NFIA: variants seen among roughly 807,000 people sequenced by gnomAD.
The protein encoded by NFIA is nuclear factor I A.
NFIA carries 8 observed loss-of-function variants against 62.8 expected under a neutral mutation model. The observed-to-expected ratio is 0.13, with a 90% CI of 0.07 to 0.23. The LOEUF is 0.23. NFIA is among the 10% of genes least tolerant of loss of function. The probability of loss-of-function intolerance (pLI) is 1.00; values close to 1 mark genes in which losing one functional copy is unlikely to be tolerated. For missense variants in NFIA, 410 were observed against 642.1 expected (o/e 0.64, Z 3.91); for synonymous variants, 235 against 238.1 (o/e 0.99, Z 0.12).
chr1:61,148,637 A>G (rs902118449), intron 2 of NFIA, among the ~76,000 whole-genome samples: 17 of 152,222 alleles, frequency 1.1e-4, no homozygotes, highest in African/African-American at 3.9e-4. Flanking sequence ...CATCATTTGC[A>G]TGTACATCTT....
upstream of NFIA, among the ~76,000 whole-genome samples, chr1:61,081,209 GCTTTCCCCCCTCC>G: frequency 6.6e-6 from 1 of 151,982 alleles, no homozygotes; most frequent in Middle Eastern, 3.4e-3. Context: ...AGGCAGGTAG[GCTTTCCCCCCTCC>G]GAGAGAGGAG....
intron 4 of NFIA, among the ~76,000 whole-genome samples, chr1:61,347,865 C>A (rs1457987014): frequency 6.6e-6 from 1 of 152,156 alleles, no homozygotes; most frequent in East Asian, 1.9e-4. Context: ...GTTTTGAGGT[C>A]AGTATCCTTA....
chr1:61,444,778 C>T (rs376588952), intron 10 of NFIA, among the ~76,000 whole-genome samples: 1 of 152,176 alleles, frequency 6.6e-6, no homozygotes, highest in African/African-American at 2.4e-5. Context: ...TTTGAACTTA[C>T]CACCATTCTT....
At chr1:61,243,598 CGTT>C (rs1218718836) in intron 2 of NFIA, among the ~76,000 whole-genome samples, 44 of 151,906 alleles carry the variant, frequency 2.9e-4, no homozygotes, top group African/African-American at 5.8e-4. Flanking sequence ...AGATGACTAA[CGTT>C]GTTGTAGCTG....
At chr1:61,310,497 T>C (rs1469443392) in intron 3 of NFIA, among the ~76,000 whole-genome samples, 1 of 152,062 alleles carries the variant, frequency 6.6e-6, no homozygotes, top group Admixed American at 6.6e-5. Context: ...ATTTAGTGTA[T>C]GGGGGGAAAA....
At chr1:61,452,819 C>A (rs1668117561) in intron 10 of NFIA, among the ~76,000 whole-genome samples, 1 of 152,126 alleles carries the variant, frequency 6.6e-6, no homozygotes, top group Non-Finnish European at 1.5e-5. Context: ...TTAAACATGT[C>A]ATGAGTTGAT....
chr1:61,126,850 T>C (rs970797945), intron 2 of NFIA, among the ~76,000 whole-genome samples: 3 of 148,828 alleles, frequency 2.0e-5, no homozygotes, highest in Non-Finnish European at 1.5e-5. Flanking sequence ...AGTGGTGTGA[T>C]CTTGGCTCAC....
intron 3 of NFIA, among the ~76,000 whole-genome samples, chr1:61,293,724 A>T (rs1003988589): frequency 6.6e-6 from 1 of 152,240 alleles, no homozygotes; most frequent in Non-Finnish European, 1.5e-5. Context: ...AATCTCACTA[A>T]CATTCTTAGA....
intron 3 of NFIA, among the ~76,000 whole-genome samples, chr1:61,294,824 G>A (rs1218712201): frequency 1.3e-5 from 2 of 152,180 alleles, no homozygotes; most frequent in Non-Finnish European, 2.9e-5. Flanking sequence ...GTCTGTCGCT[G>A]GTAAGATGGT....
intron 2 of NFIA, among the ~76,000 whole-genome samples, chr1:61,264,791 T>C (rs905984620): frequency 6.6e-6 from 1 of 152,022 alleles, no homozygotes; most frequent in Non-Finnish European, 1.5e-5. Context: ...TCACAAATAC[T>C]GAGTTACTGA....
chr1:61,145,972 C>T (rs2100513408), intron 2 of NFIA, among the ~76,000 whole-genome samples: 1 of 152,294 alleles, frequency 6.6e-6, no homozygotes, highest in South Asian at 2.1e-4. Flanking sequence ...TAATGGTTTA[C>T]AGTAACACAG....
rs969209957 is a variant in NFIA, at chr1:61,456,387, C to CA, written c.*1074dup. On this transcript the variant is annotated 3_prime_UTR_variant, in exon 11 of 11. Coordinates refer to ENST00000403491, the MANE Select transcript of NFIA (RefSeq NM_001134673.4). ...ACTGAAGGAAATTAAAAAAAAAAAA[C>CA]AAAAAAACAAATCTAATGGTGCTTT... 1 of 134,990 alleles carries CA rather than the reference C, an allele frequency of 7.4e-6. No homozygotes were observed. Among genetic ancestry groups the CA allele is most frequent in the Non-Finnish European group, 1.6e-5 (1 of 61,904 alleles). The allele number at this position is 134,990 out of a possible 1,614,324, so 8.4% of individuals were successfully genotyped here. A position where few individuals can be genotyped will look rare whatever the true frequency, so the allele number is the denominator to read the frequency against.
At chr1:61,093,983 C>T (rs1348334642) in intron 2 of NFIA, among the ~76,000 whole-genome samples, 1 of 152,236 alleles carries the variant, frequency 6.6e-6, no homozygotes. Flanking sequence ...GGACACGGGA[C>T]AGCCTGTCGG....
intron 2 of NFIA, among the ~76,000 whole-genome samples, chr1:61,216,776 G>T (rs1479611497): frequency 1.3e-5 from 2 of 152,132 alleles, no homozygotes; most frequent in Non-Finnish European, 2.9e-5. Flanking sequence ...GAGGCAGGCA[G>T]ATCACTTAAA....
chr1:61,203,889 G>A (rs1462859800), intron 2 of NFIA, among the ~76,000 whole-genome samples: 1 of 152,184 alleles, frequency 6.6e-6, no homozygotes, highest in African/African-American at 2.4e-5. Context: ...ACATCCCCAA[G>A]ATCGTGGCCA....
At chr1:61,435,573 A>G (rs1247946203) in intron 10 of NFIA, among the ~76,000 whole-genome samples, 2 of 152,120 alleles carry the variant, frequency 1.3e-5, no homozygotes, top group African/African-American at 2.4e-5. Flanking sequence ...TTTTCCTCTA[A>G]TATCAGGGAA....
At chr1:61,418,849 G>A (rs1255103961) in intron 9 of NFIA, among the ~76,000 whole-genome samples, 2 of 152,170 alleles carry the variant, frequency 1.3e-5, no homozygotes, top group East Asian at 3.9e-4. Context: ...AGTCTTTCAA[G>A]AGGGAGCAAT....
At chr1:61,327,285 A>G (rs1226596319) in intron 3 of NFIA, among the ~76,000 whole-genome samples, 1 of 151,790 alleles carries the variant, frequency 6.6e-6, no homozygotes, top group Non-Finnish European at 1.5e-5. Context: ...CCTTTGGGGT[A>G]AAAGTGATTT....
At chr1:61,428,417 T>G (rs544383446) in intron 10 of NFIA, among the ~76,000 whole-genome samples, 1 of 150,826 alleles carries the variant, frequency 6.6e-6, no homozygotes, top group South Asian at 2.1e-4. Flanking sequence ...TGTTAAATAT[T>G]TGGCGTCATG....
Sources: gnomAD v4.1 joint callset for allele counts (sites outside exome capture counted in the v4.1 genomes callset) on GRCh38, gnomAD v4.1.1 for gene constraint, MANE v1.5 for transcripts, NCBI Gene and HGNC (gene_info 2026-07-23, HGNC 2026-07-21) for gene names.